The following PTBP1 variants were observed in gnomAD, a reference collection of about 807,000 sequenced individuals.
PTBP1 encodes the protein polypyrimidine tract-binding protein 1.
A neutral mutation model predicts 59.8 loss-of-function variants in PTBP1; 8 were observed. That is an observed-to-expected ratio of 0.13 (90% CI 0.08 to 0.24). The LOEUF (loss-of-function observed/expected upper bound fraction) is 0.24, where lower values mean the gene tolerates loss of function less well. Among genes scored for constraint, PTBP1 ranks in the 10% least tolerant of loss-of-function variants. PTBP1 has a pLI of 1.00. For missense variants in PTBP1, 686 were observed against 767.0 expected, an observed-to-expected ratio of 0.89 and a Z score of 1.25; for synonymous variants, 490 against 320.7, an observed-to-expected ratio of 1.53 and a Z score of -5.64.
chr19:800,818 A>G (rs2145027312), intron 2 of PTBP1, among the ~76,000 whole-genome samples: 1 of 152,234 alleles, frequency 6.6e-6, no homozygotes, highest in Admixed American at 6.5e-5. Context: ...TTCCAGCTGG[A>G]GTGGCCCTCA....
At chr19:802,309 G>A (rs2034369673) in intron 2 of PTBP1, among the ~76,000 whole-genome samples, 2 of 152,230 alleles carry the variant, frequency 1.3e-5, no homozygotes. Flanking sequence ...CAGGGCAGGA[G>A]TGGAGCTGAA....
Position 810,866 on chromosome 19 carries a change from T to C in PTBP1, c.*40T>C, listed in dbSNP as rs1232352805. The C allele has an allele frequency of 6.7e-7, 1 of 1,492,280 alleles. No individual in the cohort carries two copies. The highest frequency in any genetic ancestry group is 8.9e-7 in the Non-Finnish European group (1 of 1,128,208). 92.4% of individuals were successfully genotyped at this position (1,492,280 alleles called of 1,614,324 possible). The stretch of plus-strand genomic sequence containing the variant: ...ACGGCCGGGCCCCCTGGCGACAACT[T>C]CCATCATTCCAGAGAAAAGCCACTT... On this transcript the variant is annotated 3_prime_UTR_variant, in exon 15 of 15. Transcript: ENST00000356948.
chr19:809,136 G>C (rs1266670671), intron 13 of PTBP1, among the ~76,000 whole-genome samples: 1 of 152,054 alleles, frequency 6.6e-6, no homozygotes, highest in Non-Finnish European at 1.5e-5. Context: ...AGCTTCCCGA[G>C]TAGCTGGGAC....
At position 799,450 on chromosome 19, in the gene PTBP1, A is replaced by G; in HGVS notation, c.39+7A>G. The G allele has an allele frequency of 6.2e-7, 1 of 1,613,668 alleles. No homozygotes were observed. The highest frequency in any genetic ancestry group is 8.5e-7 in the Non-Finnish European group (1 of 1,179,756). On this transcript the variant is annotated splice_region_variant and intron_variant, in intron 2 of 14. Coordinates refer to ENST00000356948, the MANE Select transcript of PTBP1 (RefSeq NM_002819.5). Reference sequence around the variant, plus strand: ...TATAGCCGTTGGTACAAAGGTAGGCACTTCTCACTTTGCTTCTCCGTGACG... The same window carrying G: ...TATAGCCGTTGGTACAAAGGTAGGCGCTTCTCACTTTGCTTCTCCGTGACG...
chr19:808,063 T>A lies in PTBP1; in HGVS notation c.1153+161T>A. 1 of 719,710 alleles carries A rather than the reference T, an allele frequency of 1.4e-6. No homozygotes were observed. Among genetic ancestry groups the A allele is most frequent in the Non-Finnish European group, 2.5e-6 (1 of 405,174 alleles). 44.6% of individuals were successfully genotyped at this position (719,710 alleles called of 1,614,324 possible). ...GGTTTGCGAATTTTATTTGGTCCCG[T>A]AGATACGTACGCATGGTTTATCGCC... On this transcript the variant is annotated intron_variant, in intron 11 of 14. Coordinates refer to ENST00000356948, the MANE Select transcript of PTBP1 (RefSeq NM_002819.5). This position sits in a 1 kb window ranked among gnomAD's most constrained non-coding sequence, Gnocchi z 4.7.
chr19:799,189 G>A (rs2034218441), intron 1 of PTBP1, among the ~76,000 whole-genome samples: 1 of 152,234 alleles, frequency 6.6e-6, no homozygotes, highest in Admixed American at 6.5e-5. Context: ...GGAGGGAGGG[G>A]CGCCAAAGGA....
chr19:810,842 C>T lies in PTBP1; in HGVS notation c.*16C>T, dbSNP rs369836566. On this transcript the variant is annotated 3_prime_UTR_variant, in exon 15 of 15. Transcript: ENST00000356948. ...CACCATCTAGGGGCACAGGCCCCCACGGCCGGGCCCCCTGGCGACAACTTC... is the reference window on the plus strand; with the variant it reads ...CACCATCTAGGGGCACAGGCCCCCATGGCCGGGCCCCCTGGCGACAACTTC... 1.5e-4 allele frequency: 229 copies of T among 1,519,362 alleles called. No homozygotes were observed. In the African/African-American group the frequency reaches 2.1e-3, roughly 14 times the overall value. The allele number at this position is 1,519,362 out of a possible 1,614,324, so 94.1% of individuals were successfully genotyped here.
At position 799,550 on chromosome 19, in the gene PTBP1, C is replaced by T. The variant is rs907561636; in HGVS notation, c.39+107C>T. On this transcript the variant is annotated intron_variant, in intron 2 of 14. Transcript: ENST00000356948. ...GTTGGCTAGAGGGCGCTTTTCCATT[C>T]CTAAGGGGCACTACCCTTGGTCTGG... 9.2e-6 allele frequency: 10 copies of T among 1,090,234 alleles called. No individual in the cohort carries two copies. The African/African-American group carries it at 1.1e-4, about 12-fold the overall frequency. 67.5% of individuals were successfully genotyped at this position (1,090,234 alleles called of 1,614,324 possible).
At chr19:797,859 C>G (rs919830603) in intron 1 of PTBP1, among the ~76,000 whole-genome samples, 7 of 148,762 alleles carry the variant, frequency 4.7e-5, no homozygotes, top group African/African-American at 9.7e-5. Flanking sequence ...CTCGCGCGCC[C>G]GGATGGCCCT....
intron 2 of PTBP1, among the ~76,000 whole-genome samples, chr19:802,482 C>G (rs2034377571): frequency 6.6e-6 from 1 of 152,056 alleles, no homozygotes; most frequent in Admixed American, 6.5e-5. Flanking sequence ...GTGATATCCA[C>G]TGGTTCTTTC....
At chr19:809,675 A>C (rs1450875007) in intron 13 of PTBP1, among the ~76,000 whole-genome samples, 2 of 152,100 alleles carry the variant, frequency 1.3e-5, no homozygotes, top group Non-Finnish European at 2.9e-5. Context: ...GGATTGCTTG[A>C]ACCCAAGAGT....
intron 2 of PTBP1, 30 bp downstream of exon 2, chr19:799,473 A>T: frequency 6.2e-7 from 1 of 1,612,464 alleles, no homozygotes; most frequent in Middle Eastern, 1.7e-4. Context: ...CTTCTCCGTG[A>T]CGCTCCTCTG....
intron 6 of PTBP1, 47 bp from the exon 7 acceptor site, chr19:804,782 C>A: frequency 1.2e-6 from 2 of 1,607,740 alleles, no homozygotes; most frequent in Middle Eastern, 3.3e-4. Flanking sequence ...CCTGGCAGGG[C>A]TGGTGGGCAC....
In PTBP1 at chr19:810,793, C is replaced by G; in HGVS notation, c.1641C>G (p.His547Gln). 1.3e-6 allele frequency: 2 copies of G among 1,594,238 alleles called. No homozygotes were observed. The highest frequency in any genetic ancestry group is 1.7e-6 in the Non-Finnish European group (2 of 1,173,546). ...ACCACGACCTCGGGGAGAACCACCA[C>G]CTGCGGGTCTCCTTCTCCAAGTCCA... is the stretch of plus-strand genomic sequence containing the variant. ...LHNHDLGENH[H>Q]LRVSFSKSTI The change falls in exon 15 of 15, where the codon CAC becomes CAG. Residue 547 changes from histidine to glutamine, a missense_variant. Transcript: ENST00000356948.
rs780835141 is a variant in PTBP1, at chr19:808,751, C to T, written c.1452C>T (p.Leu484=). 1.2e-6 allele frequency: 2 copies of T among 1,611,534 alleles called. No homozygotes were observed. Among genetic ancestry groups the T allele is most frequent in the South Asian group, 2.2e-5 (2 of 90,854 alleles). ...NIFPPSATLH[L]SNIPPSVSEE... ...TCCCGCCCTCGGCCACGCTGCACCTCTCCAACATCCCGTGAGTGCTGGGCC... is the reference window on the plus strand; with the variant it reads ...TCCCGCCCTCGGCCACGCTGCACCTTTCCAACATCCCGTGAGTGCTGGGCC... The change falls in exon 13 of 15, where the codon CTC becomes CTT. Residue 484 remains leucine (L), a synonymous_variant. Coordinates refer to ENST00000356948, the MANE Select transcript of PTBP1 (RefSeq NM_002819.5). This position sits in a 1 kb window ranked among gnomAD's most constrained non-coding sequence, Gnocchi z 4.7.
Position 808,501 on chromosome 19 carries a change from G to T in PTBP1, c.1247-45G>T. 1 of 1,558,550 alleles carries T rather than the reference G, an allele frequency of 6.4e-7. No homozygotes were observed. The highest frequency in any genetic ancestry group is 8.7e-7 in the Non-Finnish European group (1 of 1,152,900). Reference sequence around the variant, plus strand: ...GGTGGAGGGGGCAGGGGCGGGGGCTGCGTTCCCTCTCGGGCGCCTGGTCAC... The same window carrying T: ...GGTGGAGGGGGCAGGGGCGGGGGCTTCGTTCCCTCTCGGGCGCCTGGTCAC... On this transcript the variant is annotated intron_variant, in intron 12 of 14. Transcript: ENST00000356948. This position sits in a 1 kb window ranked among gnomAD's most constrained non-coding sequence, Gnocchi z 4.7.
intron 1 of PTBP1, among the ~76,000 whole-genome samples, chr19:797,851 C>T (rs1313047264): frequency 6.7e-6 from 1 of 148,770 alleles, no homozygotes; most frequent in East Asian, 2.0e-4. Context: ...GTCCGGCCCT[C>T]GCGCGCCCGG....
At position 808,025 on chromosome 19, in the gene PTBP1, A is replaced by G; in HGVS notation, c.1153+123A>G. The G allele has an allele frequency of 2.1e-6, 2 of 938,606 alleles. No individual in the cohort carries two copies. Among genetic ancestry groups the G allele is most frequent in the Non-Finnish European group, 1.7e-6 (1 of 577,248 alleles). 58.1% of individuals were successfully genotyped at this position (938,606 alleles called of 1,614,324 possible). On this transcript the variant is annotated intron_variant, in intron 11 of 14. Coordinates refer to ENST00000356948, the MANE Select transcript of PTBP1 (RefSeq NM_002819.5). The surrounding 1 kb of genome is among the most constrained non-coding windows in gnomAD (Gnocchi z 4.7). ...TGCTCCGTGGCATCCGCCTCGTTTT[A>G]TGGTTTGCTTTCGGTTTGCGAATTT... is the stretch of plus-strand genomic sequence containing the variant.
chr19:803,585 A>C lies in PTBP1; in HGVS notation c.64A>C (p.Thr22Pro). ...TKRGSDELFS[T>P]CVTNGPFIMS... Reference sequence around the variant, plus strand: ...GCGGGGATCTGACGAGCTTTTCTCTACTTGTGTCACTAACGGACCGTTTAT... The same window carrying C: ...GCGGGGATCTGACGAGCTTTTCTCTCCTTGTGTCACTAACGGACCGTTTAT... Residue 22 changes from threonine to proline, a missense_variant, in exon 3 of 15, where the codon ACT becomes CCT. Physicochemically the swap from Thr to Pro is conservative, Grantham distance 38. Coordinates refer to ENST00000356948, the MANE Select transcript of PTBP1 (RefSeq NM_002819.5). 1 of 1,614,006 alleles carries C rather than the reference A, an allele frequency of 6.2e-7. No homozygotes were observed. The highest frequency in any genetic ancestry group is 8.5e-7 in the Non-Finnish European group (1 of 1,179,968).
Sources: allele counts gnomAD v4.1 joint callset (sites outside exome capture counted in the v4.1 genomes callset), GRCh38; gene constraint gnomAD v4.1.1; non-coding constraint Gnocchi (gnomAD v3.1); transcripts MANE v1.5; gene names NCBI Gene and HGNC (gene_info 2026-07-23, HGNC 2026-07-21).